Variants in MAGI3 observed in about 807,000 individuals in gnomAD.
MAGI3 encodes membrane associated guanylate kinase, WW and PDZ domain containing 3.
A neutral mutation model predicts 121.8 loss-of-function variants in MAGI3; 43 were observed. The ratio of observed to expected loss-of-function variants is 0.35; its 90% CI spans 0.28 to 0.46. The LOEUF (loss-of-function observed/expected upper bound fraction) is 0.46, where lower values mean the gene tolerates loss of function less well. Ranked by LOEUF, MAGI3 falls within the 20% of genes least tolerant of loss-of-function variation. The probability of loss-of-function intolerance (pLI) is 1.00; values close to 1 mark genes in which losing one functional copy is unlikely to be tolerated. For missense variants in MAGI3, 1,547 were observed against 1,797.3 expected (o/e 0.86, Z 2.52); for synonymous variants, 553 against 639.3 (o/e 0.86, Z 2.04).
At chr1:113,672,282 T>G (rs554202053) in intron 17 of MAGI3, among the ~76,000 whole-genome samples, 1 of 152,318 alleles carries the variant, frequency 6.6e-6, no homozygotes, top group African/African-American at 2.4e-5. Flanking sequence ...TCACGGGCAT[T>G]GGTGCTGCAG....
chr1:113,594,729 T>A (rs1312868502), intron 6 of MAGI3, among the ~76,000 whole-genome samples, 169 bp downstream of exon 6: 1 of 152,194 alleles, frequency 6.6e-6, no homozygotes, highest in African/African-American at 2.4e-5. Flanking sequence ...TGTCATTACA[T>A]CTAACTTTAT....
chr1:113,577,261 G>A (rs1459479325), intron 2 of MAGI3, among the ~76,000 whole-genome samples: 1 of 152,144 alleles, frequency 6.6e-6, no homozygotes, highest in East Asian at 1.9e-4. Flanking sequence ...TTATTCATAG[G>A]TCAGTTAAGA....
At chr1:113,540,374 G>T (rs1025652908) in intron 1 of MAGI3, among the ~76,000 whole-genome samples, 4 of 152,194 alleles carry the variant, frequency 2.6e-5, no homozygotes, top group Non-Finnish European at 4.4e-5. Flanking sequence ...CTGTTCTGTG[G>T]CAAGAACCAA....
intron 1 of MAGI3, among the ~76,000 whole-genome samples, chr1:113,503,789 A>C (rs1657171602): frequency 2.0e-5 from 3 of 152,042 alleles, no homozygotes; most frequent in Non-Finnish European, 2.9e-5. Flanking sequence ...AGAATATAAA[A>C]ATATATGTGA....
intron 7 of MAGI3, among the ~76,000 whole-genome samples, chr1:113,617,097 C>T (rs1360587478): frequency 6.6e-6 from 1 of 152,088 alleles, no homozygotes; most frequent in African/African-American, 2.4e-5. Flanking sequence ...CCATGTTGGC[C>T]AGGCTGGTCT....
Position 113,391,021 on chromosome 1 carries a change from A to G in MAGI3, c.-13A>G, listed in dbSNP as rs369478375. 6 of 1,570,402 alleles carry G rather than the reference A, an allele frequency of 3.8e-6. No homozygotes were observed. The highest frequency in any genetic ancestry group is 3.7e-5 in the Admixed American group (2 of 54,218). On this transcript the variant is annotated 5_prime_UTR_variant, in exon 1 of 21. Transcript: ENST00000307546. This position sits in a 1 kb window ranked among gnomAD's most constrained non-coding sequence, Gnocchi z 4.4. ...CCGCGCGGGGTCTCCCCCATGGTGCAGCGGGGTTCGGGATGTCGAAGACGC... is the reference window on the plus strand; with the variant it reads ...CCGCGCGGGGTCTCCCCCATGGTGCGGCGGGGTTCGGGATGTCGAAGACGC...
At chr1:113,607,142 T>C (rs966350773) in intron 6 of MAGI3, among the ~76,000 whole-genome samples, 2 of 152,192 alleles carry the variant, frequency 1.3e-5, no homozygotes, top group Non-Finnish European at 2.9e-5. Context: ...ATGATCATAC[T>C]CAAACTATCT....
intron 1 of MAGI3, among the ~76,000 whole-genome samples, chr1:113,517,167 A>C (rs1657958467): frequency 6.6e-6 from 1 of 151,966 alleles, no homozygotes; most frequent in African/African-American, 2.4e-5. Context: ...TAAAATATAA[A>C]CTTTAGTCAA....
chr1:113,538,320 A>G (rs1294494332), intron 1 of MAGI3, among the ~76,000 whole-genome samples: 2 of 152,204 alleles, frequency 1.3e-5, no homozygotes, highest in African/African-American at 4.8e-5. Flanking sequence ...TGTAAAGACT[A>G]CTAAACCCAG....
intron 6 of MAGI3, among the ~76,000 whole-genome samples, chr1:113,603,536 G>A (rs1465516882): frequency 6.6e-6 from 1 of 151,924 alleles, no homozygotes; most frequent in African/African-American, 2.4e-5. Flanking sequence ...CCAAAACCGG[G>A]AAAGGACCTA....
At chr1:113,525,380 T>C (rs1658403217) in intron 1 of MAGI3, among the ~76,000 whole-genome samples, 1 of 152,132 alleles carries the variant, frequency 6.6e-6, no homozygotes, top group Non-Finnish European at 1.5e-5. Flanking sequence ...TCCTGTCTTC[T>C]TGTGACTTTG....
At chr1:113,570,492 A>G (rs905004388) in intron 2 of MAGI3, among the ~76,000 whole-genome samples, 16 of 152,086 alleles carry the variant, frequency 1.1e-4, no homozygotes, top group Admixed American at 9.8e-4. Flanking sequence ...GGTTGAACTA[A>G]TTTACACTCC....
chr1:113,455,676 A>C (rs1040622858), intron 1 of MAGI3, among the ~76,000 whole-genome samples: 1 of 152,062 alleles, frequency 6.6e-6, no homozygotes, highest in African/African-American at 2.4e-5. Flanking sequence ...GTTTCATGTC[A>C]TGGGGAAACT....
At chr1:113,609,709 CAAG>C (rs1650003358) in intron 6 of MAGI3, among the ~76,000 whole-genome samples, 1 of 151,998 alleles carries the variant, frequency 6.6e-6, no homozygotes. Context: ...TACATTTAAA[CAAG>C]AAAAATCCTA....
At chr1:113,573,263 T>A (rs1219887522) in intron 2 of MAGI3, among the ~76,000 whole-genome samples, 1 of 152,238 alleles carries the variant, frequency 6.6e-6, no homozygotes, top group East Asian at 1.9e-4. Context: ...CTCTTGCTTC[T>A]CTAGTTCTTT....
At chr1:113,431,192 C>G (rs115148611) in intron 1 of MAGI3, among the ~76,000 whole-genome samples, 1 of 152,108 alleles carries the variant, frequency 6.6e-6, no homozygotes, top group Non-Finnish European at 1.5e-5. Flanking sequence ...GTGGTGTATG[C>G]CTATAGTGCT....
chr1:113,672,437 A>C (rs969716100), intron 17 of MAGI3, among the ~76,000 whole-genome samples, 178 bp from the exon 18 acceptor site: 2 of 123,358 alleles, frequency 1.6e-5, no homozygotes, highest in East Asian at 4.7e-4. Flanking sequence ...GTTGGAATTA[A>C]TGACCAGGTT....
At chr1:113,577,056 G>T (rs1028239277) in intron 2 of MAGI3, among the ~76,000 whole-genome samples, 1 of 152,128 alleles carries the variant, frequency 6.6e-6, no homozygotes, top group African/African-American at 2.4e-5. Flanking sequence ...TATTTAGTTG[G>T]TACAATCATT....
At chr1:113,625,158 G>T (rs1624335) in intron 9 of MAGI3, among the ~76,000 whole-genome samples, 58,075 of 151,948 alleles carry the variant, frequency 0.38, 12,828 homozygotes, top group African/African-American at 0.6. Context: ...TTTTCCTCAG[G>T]CTAGCTTTGG....
Sources: gnomAD v4.1 joint callset for allele counts (sites outside exome capture counted in the v4.1 genomes callset) on GRCh38, gnomAD v4.1.1 for gene constraint, Gnocchi (gnomAD v3.1) non-coding constraint, MANE v1.5 for transcripts, NCBI Gene and HGNC (gene_info 2026-07-23, HGNC 2026-07-21) for gene names.